FBXO10: variants seen among roughly 807,000 people sequenced by gnomAD.
The protein encoded by FBXO10 is F-box only protein 10.
FBXO10 carries 39 observed loss-of-function variants against 80.7 expected under a neutral mutation model. The ratio of observed to expected loss-of-function variants is 0.48; its 90% CI spans 0.37 to 0.63. The LOEUF is 0.63. Among genes scored for constraint, FBXO10 ranks in the 30% least tolerant of loss-of-function variants. The probability of loss-of-function intolerance (pLI) is 0.00; values close to 1 mark genes in which losing one functional copy is unlikely to be tolerated. For synonymous variants in FBXO10, 449 were observed against 489.6 expected (o/e 0.92, Z 1.09); for missense variants, 1,025 against 1,269.0 (o/e 0.81, Z 2.92).
At chr9:37,553,751 CAAA>C (rs34248221) in intron 1 of FBXO10, among the ~76,000 whole-genome samples, 3 of 139,836 alleles carry the variant, frequency 2.1e-5, no homozygotes, top group African/African-American at 2.6e-5. Flanking sequence ...ACTAAAAATA[CAAA>C]AAAAAAAAAA....
intron 9 of FBXO10, 88 bp from the exon 10 acceptor site, chr9:37,516,173 C>G: frequency 7.1e-7 from 1 of 1,415,286 alleles, no homozygotes; most frequent in Non-Finnish European, 9.5e-7. Flanking sequence ...GTTCTAAAAC[C>G]AAGAGGCAGG....
chr9:37,524,686 CA>C (rs1279827678), intron 6 of FBXO10, among the ~76,000 whole-genome samples: 1 of 152,132 alleles, frequency 6.6e-6, no homozygotes, highest in African/African-American at 2.4e-5. Flanking sequence ...TATCTGTGTA[CA>C]ATGGGGAAGT....
At chr9:37,552,547 C>T (rs1258132303) in intron 1 of FBXO10, among the ~76,000 whole-genome samples, 1 of 151,976 alleles carries the variant, frequency 6.6e-6, no homozygotes, top group Non-Finnish European at 1.5e-5. Flanking sequence ...CAAAAATTAG[C>T]CGGGCATGGT....
At position 37,521,611 on chromosome 9, in the gene FBXO10, T is replaced by C. The variant is rs568481742; in HGVS notation, c.2158A>G (p.Thr720Ala). 6.2e-7 allele frequency: 1 copy of C among 1,613,806 alleles called. No individual in the cohort carries two copies. The highest frequency in any genetic ancestry group is 8.5e-7 in the Non-Finnish European group (1 of 1,179,828). Residue 720 changes from threonine to alanine, a missense_variant, in exon 8 of 11, where the codon ACC becomes GCC. Coordinates refer to ENST00000432825, the MANE Select transcript of FBXO10 (RefSeq NM_012166.3). ...KEDDPLRRPI[T>A]IALVESNSIN... ...CTGTTAGACTCAACAAGAGCTATGG[T>C]GATGGGCCGGCGCAGTGGGTCGTCC...
At chr9:37,550,639 T>C (rs10758438) in intron 1 of FBXO10, among the ~76,000 whole-genome samples, 84,219 of 151,486 alleles carry the variant, frequency 0.56, 24,403 homozygotes, top group African/African-American at 0.74. Flanking sequence ...ACCACACACC[T>C]GGCTAATTTT....
chr9:37,525,024 T>C (rs1003092836), intron 6 of FBXO10, 78 bp downstream of exon 6: 9 of 1,232,236 alleles, frequency 7.3e-6, no homozygotes, highest in Non-Finnish European at 8.1e-6. Context: ...AAAGGAGCAG[T>C]GTGAGGTCCT....
chr9:37,511,505 C>T lies in FBXO10; in HGVS notation c.*1042G>A, dbSNP rs1821053626. The stretch of plus-strand genomic sequence containing the variant: ...GGACCCAGATAGCTCCAGGACAAGG[C>T]AGAAAGTGCTCAGTACCCTGAGAGG... On this transcript the variant is annotated 3_prime_UTR_variant, in exon 11 of 11. Coordinates refer to ENST00000432825, the MANE Select transcript of FBXO10 (RefSeq NM_012166.3). 1 of 153,122 alleles carries T rather than the reference C, an allele frequency of 6.5e-6. No homozygotes were observed. The highest frequency in any genetic ancestry group is 1.5e-5 in the Non-Finnish European group (1 of 68,474). 9.5% of individuals were successfully genotyped at this position (153,122 alleles called of 1,614,324 possible).
intron 9 of FBXO10, 99 bp downstream of exon 9, chr9:37,518,026 G>T: frequency 8.0e-7 from 1 of 1,252,298 alleles, no homozygotes; most frequent in Non-Finnish European, 1.1e-6. Context: ...TTGTAGTGCT[G>T]AGTGATTACG....
At chr9:37,567,299 C>T (rs62534419) in intron 1 of FBXO10, among the ~76,000 whole-genome samples, 431 of 150,172 alleles carry the variant, frequency 2.9e-3, no homozygotes, top group Middle Eastern at 6.9e-3. Context: ...CACGCTACCA[C>T]ACCCAGCTAA....
intron 2 of FBXO10, among the ~76,000 whole-genome samples, chr9:37,540,192 A>T (rs1821874755): frequency 6.8e-6 from 1 of 147,318 alleles, no homozygotes; most frequent in South Asian, 2.2e-4. Flanking sequence ...TATATATATG[A>T]TTTTTTTTTT....
At chr9:37,540,195 T>TC (rs1821875102) in intron 2 of FBXO10, among the ~76,000 whole-genome samples, 1 of 151,974 alleles carries the variant, frequency 6.6e-6, no homozygotes, top group Non-Finnish European at 1.5e-5. Flanking sequence ...ATATATGATT[T>TC]TTTTTTTTTG....
rs553961005 is a variant in FBXO10, at chr9:37,529,211, T to C, written c.1619A>G (p.Asn540Ser). Residue 540 changes from asparagine (N) to serine (S), a missense_variant, in exon 5 of 11, where the codon AAT becomes AGT. By Grantham distance (46) the Asn-to-Ser change is conservative. This residue lies in a region of FBXO10 where 478 missense variants were observed against 667.8 expected (regional missense o/e 0.72). Coordinates refer to ENST00000432825, the MANE Select transcript of FBXO10 (RefSeq NM_012166.3). Reference protein sequence around the residue: ...GLRSGIVVLGNGKGIIRNNQI... With the variant: ...GLRSGIVVLGSGKGIIRNNQI... ...ATTGTTCCGGATGATGCCTTTCCCA[T>C]TGCCAAGGACGACAATGCCAGAGCG... is the stretch of plus-strand genomic sequence containing the variant. 59 of 1,613,248 alleles carry C rather than the reference T, an allele frequency of 3.7e-5. No homozygotes were observed. Among genetic ancestry groups the C allele is most frequent in the Middle Eastern group, 1.6e-4 (1 of 6,082 alleles).
At chr9:37,536,218 G>A (rs138715212) in intron 3 of FBXO10, among the ~76,000 whole-genome samples, 2 of 152,228 alleles carry the variant, frequency 1.3e-5, no homozygotes, top group East Asian at 3.9e-4. Flanking sequence ...TTCCGGCATG[G>A]GACCTTCCAA....
rs1191753429 is a variant in FBXO10, at chr9:37,520,522, C to CTTTT, written c.2200+1043_2200+1046dup. Among the ~76,000 whole-genome samples the CTTTT allele has an allele frequency of 8.8e-3, 732 of 83,142 alleles. 1 individual carries two copies. Among genetic ancestry groups the CTTTT allele is most frequent in the East Asian group, 0.027 (62 of 2,336 alleles). 54.5% of individuals were successfully genotyped at this position (83,142 alleles called of 152,430 possible). On this transcript the variant is annotated intron_variant, in intron 8 of 10. Coordinates refer to ENST00000432825, the MANE Select transcript of FBXO10 (RefSeq NM_012166.3). ...TTTTCTTTCTCTACTCCTTCTTCTT[C>CTTTT]TTTTTTTTTTTTTTTTTTTTTTGTA...
chr9:37,519,047 C>T (rs1225189757), intron 8 of FBXO10, among the ~76,000 whole-genome samples: 1 of 151,978 alleles, frequency 6.6e-6, no homozygotes, highest in Non-Finnish European at 1.5e-5. Context: ...GTGGCTGGGA[C>T]TACAGGCACC....
Position 37,537,471 on chromosome 9 carries a change from C to T in FBXO10, c.1058G>A (p.Ser353Asn), listed in dbSNP as rs777317925. ...DGERVAQTPD[S>N]SDGGLSPSGE... ...GCTGGGACTCAGGCCTCCATCGCTG[C>T]TGTCCGGGGTCTGGGCCACCCTTTC... Residue 353 changes from serine (S) to asparagine (N), a missense_variant, in exon 3 of 11, where the codon AGC becomes AAC. By Grantham distance (46) the Ser-to-Asn change is conservative. Coordinates refer to ENST00000432825, the MANE Select transcript of FBXO10 (RefSeq NM_012166.3). 8.6e-5 allele frequency: 139 copies of T among 1,607,418 alleles called. No homozygotes were observed. The highest frequency in any genetic ancestry group is 1.1e-4 in the Non-Finnish European group (131 of 1,177,084).
intron 1 of FBXO10, among the ~76,000 whole-genome samples, chr9:37,542,124 CG>C (rs1448267331): frequency 1.3e-5 from 2 of 152,062 alleles, no homozygotes; most frequent in Admixed American, 6.5e-5. Flanking sequence ...CCACCACACC[CG>C]GCCTCCAGTC....
At chr9:37,552,532 A>T (rs1486352940) in intron 1 of FBXO10, among the ~76,000 whole-genome samples, 6 of 151,896 alleles carry the variant, frequency 4.0e-5, no homozygotes, top group African/African-American at 1.5e-4. Context: ...AAACACACAC[A>T]CGCACAAAAA....
intron 10 of FBXO10, among the ~76,000 whole-genome samples, chr9:37,513,606 C>A (rs914833120): frequency 6.6e-6 from 1 of 151,066 alleles, no homozygotes; most frequent in Non-Finnish European, 1.5e-5. Context: ...TATATTTTTT[C>A]CGAGACGGAG....
Sources: gnomAD v4.1 joint callset for allele counts (sites outside exome capture counted in the v4.1 genomes callset) on GRCh38, gnomAD v4.1.1 for gene constraint, gnomAD v4.1.1 regional missense constraint, MANE v1.5 for transcripts, NCBI Gene and HGNC (gene_info 2026-07-23, HGNC 2026-07-21) for gene names.